AKAP6: variants seen among roughly 807,000 people sequenced by gnomAD.
AKAP6 encodes A-kinase anchor protein 6.
A neutral mutation model predicts 188.5 loss-of-function variants in AKAP6; 58 were observed. That is an observed-to-expected ratio of 0.31 (90% confidence interval 0.25 to 0.38). AKAP6 has a LOEUF of 0.38. AKAP6 is among the 10% of genes least tolerant of loss of function. The pLI is 1.00. For missense variants in AKAP6, 2,710 were observed against 2,740.0 expected, an observed-to-expected ratio of 0.99 and a Z score of 0.24; for synonymous variants, 989 against 998.6, an observed-to-expected ratio of 0.99 and a Z score of 0.18.
intron 9 of AKAP6, among the ~76,000 whole-genome samples, chr14:32,717,945 A>G (rs1033324022): frequency 6.6e-6 from 1 of 152,122 alleles, no homozygotes; most frequent in Non-Finnish European, 1.5e-5. Context: ...AAAGAGGTTC[A>G]AGAGTAGGGT....
chr14:32,516,727 G>A (rs904792965), intron 2 of AKAP6, among the ~76,000 whole-genome samples: 7 of 152,020 alleles, frequency 4.6e-5, no homozygotes, highest in African/African-American at 4.8e-5. Context: ...AATTTGAATT[G>A]GATATATCAA....
intron 2 of AKAP6, among the ~76,000 whole-genome samples, chr14:32,531,555 T>C (rs761987810): frequency 1.3e-5 from 2 of 152,210 alleles, no homozygotes; most frequent in African/African-American, 4.8e-5. Flanking sequence ...GCTTAACCCA[T>C]GTGTAGATTT....
At chr14:32,825,947 T>C (rs1248358052) in intron 13 of AKAP6, among the ~76,000 whole-genome samples, 1 of 152,240 alleles carries the variant, frequency 6.6e-6, no homozygotes, top group Admixed American at 6.5e-5. Context: ...TAATTACTGA[T>C]TTTCTAAAAG....
Position 32,773,698 on chromosome 14 carries a change from G to T in AKAP6, c.3393G>T (p.Lys1131Asn). ...TGCAGTCCCTCTGTCGTGAAATCAA[G>T]CAACGACGTCGAGGAGTTGCCTCCA... Reference protein sequence around the residue: ...QYFKSLCREIKQRRRGVASIL... With the variant: ...QYFKSLCREINQRRRGVASIL... Residue 1131 changes from lysine (K) to asparagine (N), a missense_variant, in exon 12 of 14, where the codon AAG becomes AAT. By Grantham distance (94) the Lys-to-Asn change is moderately conservative (BLOSUM62 0). Around this residue, in one of 2 missense-constraint regions of AKAP6, gnomAD observed 2,473 missense variants for 2,426.1 expected, o/e 1.02. Coordinates refer to ENST00000280979, the MANE Select transcript of AKAP6 (RefSeq NM_004274.5). The T allele has an allele frequency of 6.2e-7, 1 of 1,614,020 alleles. No individual in the cohort carries two copies. The highest frequency in any genetic ancestry group is 8.5e-7 in the Non-Finnish European group (1 of 1,179,944).
intron 4 of AKAP6, among the ~76,000 whole-genome samples, chr14:32,569,662 C>T (rs538326395): frequency 4.6e-5 from 7 of 152,224 alleles, no homozygotes; most frequent in South Asian, 4.1e-4. Flanking sequence ...TGCCCAAAAA[C>T]GGAAGATTAT....
chr14:32,501,238 C>A (rs768484612), intron 2 of AKAP6, among the ~76,000 whole-genome samples: 7 of 151,990 alleles, frequency 4.6e-5, no homozygotes, highest in Admixed American at 6.6e-5. Context: ...ATTTCAAATT[C>A]TTTTTTGCAC....
chr14:32,726,907 G>A (rs1263653107), intron 9 of AKAP6, among the ~76,000 whole-genome samples: 1 of 152,122 alleles, frequency 6.6e-6, no homozygotes, highest in Non-Finnish European at 1.5e-5. Context: ...AGGCTAGGAG[G>A]ATCAATCAAG....
chr14:32,588,795 T>C (rs543020116), intron 5 of AKAP6, among the ~76,000 whole-genome samples: 1 of 152,338 alleles, frequency 6.6e-6, no homozygotes, highest in South Asian at 2.1e-4. Context: ...AAAAAAATTC[T>C]CAAAGATATA....
intron 4 of AKAP6, among the ~76,000 whole-genome samples, chr14:32,558,237 A>T (rs1883774883): frequency 6.6e-6 from 1 of 152,214 alleles, no homozygotes; most frequent in Non-Finnish European, 1.5e-5. Context: ...TAGAAGTTTA[A>T]TACTGTAGAA....
chr14:32,493,353 T>C (rs957577161), intron 2 of AKAP6, among the ~76,000 whole-genome samples: 1 of 151,950 alleles, frequency 6.6e-6, no homozygotes, highest in Non-Finnish European at 1.5e-5. Flanking sequence ...AACAGGCTTG[T>C]ACCACTACAC....
intron 2 of AKAP6, among the ~76,000 whole-genome samples, chr14:32,482,711 C>A (rs972260903): frequency 6.6e-6 from 1 of 152,068 alleles, no homozygotes; most frequent in African/African-American, 2.4e-5. Flanking sequence ...GGAAATATAT[C>A]TTCTACATAA....
At chr14:32,663,704 G>A (rs1022492656) in intron 7 of AKAP6, among the ~76,000 whole-genome samples, 3 of 152,104 alleles carry the variant, frequency 2.0e-5, no homozygotes, top group Admixed American at 6.6e-5. Context: ...GCAAAGGCAA[G>A]AGCAGCTAGG....
intron 12 of AKAP6, among the ~76,000 whole-genome samples, chr14:32,778,765 T>C (rs557775504): frequency 6.7e-6 from 1 of 149,918 alleles, no homozygotes; most frequent in Non-Finnish European, 1.5e-5. Context: ...CAGGCTAGTC[T>C]CAAACTCCTG....
At chr14:32,788,172 A>G (rs2033487580) in intron 12 of AKAP6, among the ~76,000 whole-genome samples, 1 of 152,166 alleles carries the variant, frequency 6.6e-6, no homozygotes, top group Non-Finnish European at 1.5e-5. Context: ...TAGACAGAGT[A>G]GATTTTCAAG....
intron 12 of AKAP6, among the ~76,000 whole-genome samples, chr14:32,814,974 C>G (rs1464655706): frequency 6.6e-6 from 1 of 152,210 alleles, no homozygotes; most frequent in African/African-American, 2.4e-5. Context: ...ACAGGACAGT[C>G]AGAGTACCTG....
chr14:32,420,044 C>A (rs1889788939), intron 1 of AKAP6, among the ~76,000 whole-genome samples: 1 of 152,052 alleles, frequency 6.6e-6, no homozygotes, highest in South Asian at 2.1e-4. Context: ...TAAAGAAGTT[C>A]TTTCATTTTT....
intron 1 of AKAP6, among the ~76,000 whole-genome samples, chr14:32,332,166 A>T (rs1238501651): frequency 1.3e-5 from 2 of 152,088 alleles, no homozygotes; most frequent in Non-Finnish European, 2.9e-5. Context: ...GGCTAAGGTT[A>T]TGTAGTTAAT....
chr14:32,569,697 A>G (rs1566580799), intron 4 of AKAP6, among the ~76,000 whole-genome samples: 1 of 152,202 alleles, frequency 6.6e-6, no homozygotes, highest in Non-Finnish European at 1.5e-5. Context: ...ATGTATGTAA[A>G]AATCTCAATG....
At chr14:32,815,924 A>G (rs548134581) in intron 12 of AKAP6, among the ~76,000 whole-genome samples, 1 of 152,348 alleles carries the variant, frequency 6.6e-6, no homozygotes, top group Non-Finnish European at 1.5e-5. Flanking sequence ...TAACTTGTCC[A>G]GGATCACACA....
Sources: gnomAD v4.1 joint callset for allele counts (sites outside exome capture counted in the v4.1 genomes callset) on GRCh38, gnomAD v4.1.1 for gene constraint, gnomAD v4.1.1 regional missense constraint, MANE v1.5 for transcripts, NCBI Gene and HGNC (gene_info 2026-07-23, HGNC 2026-07-21) for gene names.